LRMDA: variants seen among roughly 807,000 people sequenced by gnomAD.
LRMDA encodes leucine-rich melanocyte differentiation-associated protein.
In LRMDA, 18 loss-of-function variants were observed where a neutral mutation model predicts 29.8. The observed-to-expected ratio is 0.60, with a 90% CI of 0.42 to 0.90. LRMDA has a LOEUF of 0.90. Among genes scored for constraint, LRMDA ranks in the 40% least tolerant of loss-of-function variants. The pLI is 0.00. For synonymous variants in LRMDA, 125 were observed against 109.4 expected, an observed-to-expected ratio of 1.14 and a Z score of -0.89; for missense variants, 273 against 273.9, an observed-to-expected ratio of 1.00 and a Z score of 0.02.
chr10:76,344,213 A>T (rs139362035), intron 6 of LRMDA, among the ~76,000 whole-genome samples: 11 of 152,170 alleles, frequency 7.2e-5, no homozygotes, highest in African/African-American at 2.4e-4. Flanking sequence ...GAATATGCAA[A>T]ATCTTTAGAC....
intron 2 of LRMDA, among the ~76,000 whole-genome samples, chr10:75,478,122 G>C (rs1844817100): frequency 2.0e-5 from 3 of 152,206 alleles, no homozygotes. Context: ...AGGCCTTTAA[G>C]CCTGTGTGCA....
At chr10:75,604,602 G>C (rs548040534) in intron 2 of LRMDA, among the ~76,000 whole-genome samples, 1 of 152,240 alleles carries the variant, frequency 6.6e-6, no homozygotes, top group African/African-American at 2.4e-5. Context: ...CTGATTATAT[G>C]AATTGGAGTT....
chr10:75,898,610 G>GAA (rs532942314), intron 2 of LRMDA, among the ~76,000 whole-genome samples: 1 of 140,848 alleles, frequency 7.1e-6, no homozygotes. Flanking sequence ...ACTGCCCACT[G>GAA]AAAAAAAAAA....
intron 5 of LRMDA, among the ~76,000 whole-genome samples, chr10:76,251,875 G>C (rs780559528): frequency 6.6e-5 from 10 of 152,204 alleles, no homozygotes; most frequent in Non-Finnish European, 1.3e-4. Flanking sequence ...TCCAGCCGGT[G>C]GTGGAGCGTG....
intron 5 of LRMDA, among the ~76,000 whole-genome samples, chr10:76,200,624 C>T (rs1195859936): frequency 6.6e-6 from 1 of 151,974 alleles, no homozygotes; most frequent in Admixed American, 6.6e-5. Flanking sequence ...TATTGCTAAT[C>T]GACTTCATCA....
intron 2 of LRMDA, among the ~76,000 whole-genome samples, chr10:75,601,537 T>C (rs567624638): frequency 7.0e-6 from 1 of 142,984 alleles, no homozygotes; most frequent in Non-Finnish European, 1.5e-5. Context: ...TTTTGTTTTG[T>C]TTTTTCTGGG....
chr10:76,031,974 G>A (rs2132502443), intron 2 of LRMDA, among the ~76,000 whole-genome samples: 1 of 152,310 alleles, frequency 6.6e-6, no homozygotes, highest in East Asian at 1.9e-4. Flanking sequence ...AGGGAGGAGA[G>A]ATCGAATTCT....
At position 75,597,121 on chromosome 10, in the gene LRMDA, C is replaced by A. The variant is rs1195134155; in HGVS notation, c.131+158627C>A. On this transcript the variant is annotated intron_variant, in intron 2 of 6. Coordinates refer to ENST00000611255, the MANE Select transcript of LRMDA (RefSeq NM_001305581.2). ...TTTGTTTGTTTGTTTTTCCAGGGGTCCACTTAATTACAAAACCATGCCTAA... is the reference window on the plus strand; with the variant it reads ...TTTGTTTGTTTGTTTTTCCAGGGGTACACTTAATTACAAAACCATGCCTAA... 2.0e-5 allele frequency among the ~76,000 whole-genome samples: 3 copies of A among 152,074 alleles called. No homozygotes were observed. In the East Asian group the frequency reaches 5.8e-4, roughly 29 times the overall value.
At chr10:75,791,037 C>T (rs1051333476) in intron 2 of LRMDA, among the ~76,000 whole-genome samples, 6 of 152,198 alleles carry the variant, frequency 3.9e-5, no homozygotes, top group African/African-American at 1.2e-4. Flanking sequence ...GGCTTCATTC[C>T]GAGCTATGGG....
intron 6 of LRMDA, among the ~76,000 whole-genome samples, chr10:76,332,184 G>A (rs567418554): frequency 6.6e-6 from 1 of 152,332 alleles, no homozygotes; most frequent in South Asian, 2.1e-4. Context: ...AGATGTGCAT[G>A]TGTGCACTCG....
intron 5 of LRMDA, among the ~76,000 whole-genome samples, chr10:76,221,071 A>G (rs1343844003): frequency 2.6e-5 from 4 of 151,966 alleles, no homozygotes; most frequent in East Asian, 1.9e-4. Flanking sequence ...AAATTCAACA[A>G]CCCTTCATGC....
chr10:75,853,865 A>G (rs1406826304), intron 2 of LRMDA, among the ~76,000 whole-genome samples: 3 of 152,056 alleles, frequency 2.0e-5, no homozygotes, highest in Non-Finnish European at 2.9e-5. Flanking sequence ...ATTCCTACCC[A>G]TAGTAGTAGA....
chr10:76,290,473 C>T (rs963152215), intron 5 of LRMDA, among the ~76,000 whole-genome samples: 4 of 130,516 alleles, frequency 3.1e-5, no homozygotes, highest in African/African-American at 6.0e-5. Context: ...GGCTGGCTGG[C>T]GTGCAGTGGT....
In LRMDA at chr10:75,696,048, A is replaced by T. The variant is rs184924716; in HGVS notation, c.131+257554A>T. 1.1e-3 allele frequency among the ~76,000 whole-genome samples: 160 copies of T among 152,312 alleles called. 2 individuals are homozygous for T. The East Asian group carries it at 0.018, about 17-fold the overall frequency. On this transcript the variant is annotated intron_variant, in intron 2 of 6. Transcript: ENST00000611255. Reference sequence around the variant, plus strand: ...ACAAAAAGATAAGATTAAAAAAATTAAAAAAACCCAAAAAGATAAGAGTGT... The same window carrying T: ...ACAAAAAGATAAGATTAAAAAAATTTAAAAAACCCAAAAAGATAAGAGTGT...
At chr10:75,857,437 C>A (rs1334657947) in intron 2 of LRMDA, among the ~76,000 whole-genome samples, 2 of 152,194 alleles carry the variant, frequency 1.3e-5, no homozygotes, top group Non-Finnish European at 2.9e-5. Flanking sequence ...CCCCCTAAGG[C>A]TCTTGGAATG....
intron 6 of LRMDA, among the ~76,000 whole-genome samples, chr10:76,366,011 T>A (rs1352843036): frequency 6.6e-6 from 1 of 152,180 alleles, no homozygotes; most frequent in Non-Finnish European, 1.5e-5. Flanking sequence ...CTTTCCCCAC[T>A]TTATGTTTTT....
intron 2 of LRMDA, among the ~76,000 whole-genome samples, chr10:75,555,101 A>G (rs538555339): frequency 6.6e-6 from 1 of 151,880 alleles, no homozygotes; most frequent in Admixed American, 6.6e-5. Context: ...GATGGGGAGG[A>G]GTTTGGTGGG....
intron 5 of LRMDA, among the ~76,000 whole-genome samples, chr10:76,289,877 C>T (rs978174318): frequency 2.0e-5 from 3 of 152,086 alleles, no homozygotes; most frequent in Non-Finnish European, 4.4e-5. Context: ...AGGATTATTC[C>T]GAAGAACCAC....
chr10:76,327,665 C>T (rs747577765), intron 6 of LRMDA, among the ~76,000 whole-genome samples: 2 of 152,096 alleles, frequency 1.3e-5, no homozygotes, highest in Admixed American at 6.5e-5. Context: ...GTAATAGGAA[C>T]CCAGGGGAAG....
Sources: allele counts gnomAD v4.1 joint callset (sites outside exome capture counted in the v4.1 genomes callset), GRCh38; gene constraint gnomAD v4.1.1; transcripts MANE v1.5; gene names NCBI Gene and HGNC (gene_info 2026-07-23, HGNC 2026-07-21).